Variants in PPM1L observed in about 807,000 individuals in gnomAD.
PPM1L encodes the protein protein phosphatase, Mg2+/Mn2+ dependent 1L.
A neutral mutation model predicts 31.4 loss-of-function variants in PPM1L; 13 were observed. The ratio of observed to expected loss-of-function variants is 0.41; its 90% CI spans 0.27 to 0.66. The LOEUF is 0.66. Among genes scored for constraint, PPM1L ranks in the 30% least tolerant of loss-of-function variants. The pLI, the probability that PPM1L is intolerant of heterozygous loss-of-function variation, is 0.29. For synonymous variants in PPM1L, 184 were observed against 175.4 expected (o/e 1.05, Z -0.39); for missense variants, 326 against 453.7 (o/e 0.72, Z 2.56).
chr3:160,816,928 T>C (rs1403443918), intron 1 of PPM1L, among the ~76,000 whole-genome samples: 3 of 152,096 alleles, frequency 2.0e-5, no homozygotes, highest in African/African-American at 7.2e-5. Flanking sequence ...AATTATTGAT[T>C]AGAATAGTGA....
intron 1 of PPM1L, among the ~76,000 whole-genome samples, chr3:160,907,735 C>CA: frequency 6.6e-6 from 1 of 152,250 alleles, no homozygotes; most frequent in East Asian, 1.9e-4. Flanking sequence ...ATCACTACCC[C>CA]AAGCATGTAA....
chr3:160,840,799 G>T (rs149091182), intron 1 of PPM1L, among the ~76,000 whole-genome samples: 1,528 of 150,976 alleles, frequency 0.01, 19 homozygotes, highest in Admixed American at 0.029. Flanking sequence ...GAGAGAGAGA[G>T]AGAAAGAGAG....
chr3:160,926,281 A>G (rs1285135884), intron 1 of PPM1L, among the ~76,000 whole-genome samples: 4 of 152,200 alleles, frequency 2.6e-5, no homozygotes, highest in Non-Finnish European at 5.9e-5. Context: ...AGGTTGTTCC[A>G]TGCATTTTGA....
rs373974062 is a variant in PPM1L at position 160,915,811 on chromosome 3, T to G, written c.400-45925T>G. On this transcript the variant is annotated intron_variant, in intron 1 of 3. Coordinates refer to ENST00000498165, the MANE Select transcript of PPM1L (RefSeq NM_139245.4). ...CTGACAAAAACAAGAAATGGGGAAATGATTCCCTATTTAATAAATGGTGCT... is the reference window on the plus strand; with the variant it reads ...CTGACAAAAACAAGAAATGGGGAAAGGATTCCCTATTTAATAAATGGTGCT... 2.1e-3 allele frequency among the ~76,000 whole-genome samples: 325 copies of G among 152,176 alleles called. 1 individual carries two copies. The highest frequency in any genetic ancestry group is 7.3e-3 in the African/African-American group (305 of 41,520).
chr3:160,921,531 AAATT>A (rs1346925443), intron 1 of PPM1L, among the ~76,000 whole-genome samples: 11 of 152,182 alleles, frequency 7.2e-5, no homozygotes, highest in African/African-American at 4.8e-5. Flanking sequence ...CCCATTTACA[AAATT>A]AATTAAACAT....
At chr3:160,860,337 G>A (rs1330325537) in intron 1 of PPM1L, among the ~76,000 whole-genome samples, 1 of 152,012 alleles carries the variant, frequency 6.6e-6, no homozygotes, top group Non-Finnish European at 1.5e-5. Context: ...CTCAGCTAAC[G>A]TCCTGTTGCC....
intron 1 of PPM1L, among the ~76,000 whole-genome samples, chr3:160,810,946 A>G (rs144120325): frequency 0.01 from 1,537 of 152,352 alleles, 14 homozygotes; most frequent in Middle Eastern, 0.027. Flanking sequence ...TGTAATTTCA[A>G]ATAATAGAGC....
chr3:160,783,370 C>T (rs1264784296), intron 1 of PPM1L, among the ~76,000 whole-genome samples: 2 of 152,072 alleles, frequency 1.3e-5, no homozygotes, highest in African/African-American at 2.4e-5. Context: ...GAAGCCAAGG[C>T]GGGCGGATGA....
intron 2 of PPM1L, among the ~76,000 whole-genome samples, chr3:160,983,820 A>G (rs936929324): frequency 1.3e-5 from 2 of 152,158 alleles, no homozygotes; most frequent in Admixed American, 6.6e-5. Flanking sequence ...TGTCCGGGGG[A>G]GACATCACAT....
chr3:160,942,440 T>C (rs886759261), intron 1 of PPM1L, among the ~76,000 whole-genome samples: 12 of 152,204 alleles, frequency 7.9e-5, no homozygotes, highest in African/African-American at 2.9e-4. Flanking sequence ...TTGAAAATAT[T>C]TTTTAAAAAG....
At chr3:160,797,090 A>G (rs1378333223) in intron 1 of PPM1L, among the ~76,000 whole-genome samples, 1 of 152,192 alleles carries the variant, frequency 6.6e-6, no homozygotes, top group Non-Finnish European at 1.5e-5. Flanking sequence ...TTTTAAACAA[A>G]TTGAAGGTTC....
intron 2 of PPM1L, among the ~76,000 whole-genome samples, chr3:160,962,125 T>C (rs1201285687): frequency 6.6e-6 from 1 of 152,114 alleles, no homozygotes; most frequent in African/African-American, 2.4e-5. Flanking sequence ...AATTTTGCTG[T>C]TTTTTATTGG....
chr3:160,939,435 G>C (rs891409072), intron 1 of PPM1L, among the ~76,000 whole-genome samples: 1 of 152,102 alleles, frequency 6.6e-6, no homozygotes, highest in Non-Finnish European at 1.5e-5. Flanking sequence ...CTTTGGACAT[G>C]GTATGATATG....
chr3:161,060,374 A>G (rs1719532720), intron 2 of PPM1L, among the ~76,000 whole-genome samples: 1 of 152,132 alleles, frequency 6.6e-6, no homozygotes, highest in Non-Finnish European at 1.5e-5. Context: ...GTGTGACATG[A>G]TATTAGACAA....
At chr3:160,974,238 A>T (rs888572334) in intron 2 of PPM1L, among the ~76,000 whole-genome samples, 8 of 151,434 alleles carry the variant, frequency 5.3e-5, no homozygotes, top group Non-Finnish European at 1.0e-4. Context: ...TCCATGGTGT[A>T]TATGTGCCAC....
intron 2 of PPM1L, among the ~76,000 whole-genome samples, chr3:160,986,780 C>T (rs902180444): frequency 3.3e-5 from 5 of 152,144 alleles, no homozygotes; most frequent in Admixed American, 1.3e-4. Context: ...GAGTCTCTTT[C>T]AGCTTTTCAT....
At chr3:160,867,128 A>G (rs895086774) in intron 1 of PPM1L, among the ~76,000 whole-genome samples, 8 of 152,136 alleles carry the variant, frequency 5.3e-5, no homozygotes, top group African/African-American at 1.9e-4. Flanking sequence ...ATATATTCTT[A>G]GAATCAATTT....
At chr3:160,820,108 G>A (rs771562487) in intron 1 of PPM1L, among the ~76,000 whole-genome samples, 32 of 152,064 alleles carry the variant, frequency 2.1e-4, no homozygotes, top group Non-Finnish European at 3.7e-4. Context: ...GTTGGAGGTG[G>A]TAGATGAGGA....
intron 1 of PPM1L, among the ~76,000 whole-genome samples, chr3:160,804,003 C>T (rs527656166): frequency 1.4e-4 from 21 of 152,154 alleles, no homozygotes; most frequent in Non-Finnish European, 2.9e-4. Context: ...CTGCAAGCTG[C>T]GCCTCCCAGA....
Sources: allele counts gnomAD v4.1 joint callset (sites outside exome capture counted in the v4.1 genomes callset), GRCh38; gene constraint gnomAD v4.1.1; transcripts MANE v1.5; gene names NCBI Gene and HGNC (gene_info 2026-07-23, HGNC 2026-07-21).